Variants in VWC2L observed in about 807,000 individuals in gnomAD.
The protein encoded by VWC2L is von Willebrand factor C domain containing 2 like.
VWC2L carries 10 observed loss-of-function variants against 21.6 expected under a neutral mutation model. That is an observed-to-expected ratio of 0.46 (90% CI 0.29 to 0.78). The LOEUF is 0.78. Among genes scored for constraint, VWC2L ranks in the 30% least tolerant of loss-of-function variants. The pLI, the probability that VWC2L is intolerant of heterozygous loss-of-function variation, is 0.10. For synonymous variants in VWC2L, 96 were observed against 94.3 expected, an observed-to-expected ratio of 1.02 and a Z score of -0.10; for missense variants, 209 against 277.1, an observed-to-expected ratio of 0.75 and a Z score of 1.74.
intron 3 of VWC2L, among the ~76,000 whole-genome samples, chr2:214,562,729 T>C (rs1260702298): frequency 1.3e-5 from 2 of 152,248 alleles, no homozygotes; most frequent in Non-Finnish European, 2.9e-5. Context: ...TGCATTTCTT[T>C]AACTATCAGT....
At chr2:214,551,244 G>A (rs12612025) in intron 3 of VWC2L, among the ~76,000 whole-genome samples, 98,923 of 152,082 alleles carry the variant, frequency 0.65, 35,098 homozygotes, top group East Asian at 0.83. Context: ...CTGTAAATAG[G>A]AAGAAAATAT....
intron 3 of VWC2L, among the ~76,000 whole-genome samples, chr2:214,463,186 T>C (rs6721064): frequency 0.063 from 9,634 of 152,180 alleles, 952 homozygotes; most frequent in African/African-American, 0.22. Context: ...ATTCTATCTA[T>C]TTTATCAGTT....
chr2:214,435,706 T>C (rs975133779), intron 2 of VWC2L, among the ~76,000 whole-genome samples: 16 of 152,144 alleles, frequency 1.1e-4, no homozygotes, highest in African/African-American at 2.4e-4. Flanking sequence ...AATGTGGACA[T>C]TGTATGACTT....
At chr2:214,421,199 G>GA (rs35252064) in intron 2 of VWC2L, among the ~76,000 whole-genome samples, 11 of 152,000 alleles carry the variant, frequency 7.2e-5, no homozygotes, top group African/African-American at 1.9e-4. Flanking sequence ...TGAAATCTAG[G>GA]AAAAAATCTA....
intron 3 of VWC2L, among the ~76,000 whole-genome samples, chr2:214,553,662 T>G (rs187804602): frequency 7.6e-4 from 116 of 152,316 alleles, no homozygotes; most frequent in Non-Finnish European, 2.5e-4. Context: ...TTATTCAGTC[T>G]TAATGTCTCT....
At chr2:214,420,384 G>A (rs1702421360) in intron 2 of VWC2L, among the ~76,000 whole-genome samples, 1 of 152,092 alleles carries the variant, frequency 6.6e-6, no homozygotes, top group South Asian at 2.1e-4. Flanking sequence ...ACTTATGAAA[G>A]AACAGGGAAA....
intron 3 of VWC2L, among the ~76,000 whole-genome samples, chr2:214,442,821 T>C (rs1226067531): frequency 1.3e-5 from 2 of 152,176 alleles, no homozygotes; most frequent in Non-Finnish European, 2.9e-5. Context: ...CTACATTGCT[T>C]ATGATTATTA....
intron 3 of VWC2L, among the ~76,000 whole-genome samples, chr2:214,487,367 TCTGGTCAGTTG>T (rs1688685131): frequency 6.6e-6 from 1 of 151,880 alleles, no homozygotes; most frequent in Non-Finnish European, 1.5e-5. Flanking sequence ...TGCGCCAAGC[TCTGGTCAGTTG>T]CTGGGGCTAC....
chr2:214,484,738 G>A (rs927072155), intron 3 of VWC2L, among the ~76,000 whole-genome samples: 2 of 152,060 alleles, frequency 1.3e-5, no homozygotes, highest in African/African-American at 2.4e-5. Context: ...CTTTGAAAAG[G>A]TTGCCTAAGA....
intron 3 of VWC2L, among the ~76,000 whole-genome samples, chr2:214,510,915 T>A (rs977435855): frequency 6.6e-6 from 1 of 152,204 alleles, no homozygotes; most frequent in Non-Finnish European, 1.5e-5. Flanking sequence ...ACAAATGTAA[T>A]TAAGTTTTTG....
At chr2:214,512,371 T>C (rs1275881293) in intron 3 of VWC2L, among the ~76,000 whole-genome samples, 4 of 151,844 alleles carry the variant, frequency 2.6e-5, no homozygotes, top group East Asian at 3.9e-4. Flanking sequence ...CATGGACATA[T>C]AGAGGGGGAC....
chr2:214,509,677 G>A (rs918849009), intron 3 of VWC2L, among the ~76,000 whole-genome samples: 3 of 152,002 alleles, frequency 2.0e-5, no homozygotes, highest in African/African-American at 7.3e-5. Context: ...TTGCTTTTGG[G>A]TCCTGCAGGT....
At chr2:214,566,886 A>G (rs762446127) in intron 3 of VWC2L, among the ~76,000 whole-genome samples, 2 of 152,220 alleles carry the variant, frequency 1.3e-5, no homozygotes, top group Non-Finnish European at 2.9e-5. Context: ...TCATAGCACA[A>G]TAGCATCTAT....
intron 3 of VWC2L, among the ~76,000 whole-genome samples, chr2:214,555,147 G>T (rs1436984141): frequency 1.3e-5 from 2 of 152,156 alleles, no homozygotes; most frequent in Admixed American, 1.3e-4. Flanking sequence ...AACTATTCAG[G>T]AAGAGTGTAA....
intron 3 of VWC2L, among the ~76,000 whole-genome samples, chr2:214,492,574 G>C (rs2126201761): frequency 6.6e-6 from 1 of 152,268 alleles, no homozygotes; most frequent in South Asian, 2.1e-4. Context: ...ACTATATCTA[G>C]GATTGGTGAG....
intron 3 of VWC2L, among the ~76,000 whole-genome samples, chr2:214,553,771 C>T (rs1432532392): frequency 6.6e-6 from 1 of 152,112 alleles, no homozygotes; most frequent in East Asian, 1.9e-4. Flanking sequence ...ACAGCCTGAA[C>T]TAGTTTTTCA....
At chr2:214,486,903 A>G (rs78299868) in intron 3 of VWC2L, among the ~76,000 whole-genome samples, 1,861 of 152,322 alleles carry the variant, frequency 0.012, 31 homozygotes, top group African/African-American at 0.043. Context: ...GTGACCTCCC[A>G]AAATTCCTAT....
At chr2:214,530,926 C>A (rs1050809920) in intron 3 of VWC2L, among the ~76,000 whole-genome samples, 15 of 152,284 alleles carry the variant, frequency 9.9e-5, no homozygotes, top group South Asian at 2.1e-4. Flanking sequence ...CATTGGCAAT[C>A]GTGTTAGGAT....
intron 3 of VWC2L, among the ~76,000 whole-genome samples, chr2:214,469,847 G>C (rs1206681373): frequency 6.6e-6 from 1 of 152,078 alleles, no homozygotes; most frequent in African/African-American, 2.4e-5. Flanking sequence ...AAAAAATCTT[G>C]GCTGTATGAA....
Sources: gnomAD v4.1 joint callset for allele counts (sites outside exome capture counted in the v4.1 genomes callset) on GRCh38, gnomAD v4.1.1 for gene constraint, MANE v1.5 for transcripts, NCBI Gene and HGNC (gene_info 2026-07-23, HGNC 2026-07-21) for gene names.